The following ZNF391 variants were observed in gnomAD, a reference collection of about 807,000 sequenced individuals.
ZNF391 encodes zinc finger protein 391.
For missense variants in ZNF391, 375 were observed against 425.5 expected, an observed-to-expected ratio of 0.88 and a Z score of 1.04; for synonymous variants, 126 against 142.1, an observed-to-expected ratio of 0.89 and a Z score of 0.80.
chr6:27,386,301 T>A (rs1761581185), upstream of ZNF391, among the ~76,000 whole-genome samples: 1 of 152,302 alleles, frequency 6.6e-6, no homozygotes, highest in Admixed American at 6.5e-5. Flanking sequence ...GTTCATGGGT[T>A]GGAAGACTAA....
At position 27,400,679 on chromosome 6, in the gene ZNF391, C is replaced by G; in HGVS notation, c.309C>G (p.Phe103Leu). ...ACTTAATTAAACACCAAAGACTTTTCTCACAAAGAAAACCTTGTAAATGCA... is the reference window on the plus strand; with the variant it reads ...ACTTAATTAAACACCAAAGACTTTTGTCACAAAGAAAACCTTGTAAATGCA... ...NSDLIKHQRL[F>L]SQRKPCKCNE... is the part of the protein sequence containing the mutation. Residue 103 changes from phenylalanine to leucine, a missense_variant, in exon 3 of 3, where the codon TTC becomes TTG. Phe to Leu is a conservative substitution (Grantham distance 22). Coordinates refer to ENST00000244576, the MANE Select transcript of ZNF391 (RefSeq NM_001076781.3). 6.2e-7 allele frequency: 1 copy of G among 1,613,938 alleles called. No individual in the cohort carries two copies. The highest frequency in any genetic ancestry group is 1.3e-5 in the African/African-American group (1 of 74,986).
chr6:27,389,743 G>A (rs552108809), intron 1 of ZNF391, among the ~76,000 whole-genome samples: 2 of 152,318 alleles, frequency 1.3e-5, no homozygotes, highest in Admixed American at 6.5e-5. Flanking sequence ...GGCAGAGGTT[G>A]GAGCGAGCAG....
rs1468706836 is a variant in ZNF391 at position 27,376,536 on chromosome 6, T to C, written n.523+1399T>C. ...GTGTGTATGTGCTCTCTAACTCCTC[T>C]GCCTGATCTTGTATACATCTCTGTA... On this transcript the variant is annotated intron_variant and non_coding_transcript_variant, in intron 1 of 2. Transcript: ENST00000477999. This position sits in a 1 kb window ranked among gnomAD's most constrained non-coding sequence, Gnocchi z 4.7. Among the ~76,000 whole-genome samples the C allele has an allele frequency of 6.6e-6, 1 of 152,192 alleles. No homozygotes were observed. The highest frequency in any genetic ancestry group is 1.5e-5 in the Non-Finnish European group (1 of 68,032).
chr6:27,381,351 G>C (rs951016140), intron 1 of ZNF391, among the ~76,000 whole-genome samples: 5 of 152,190 alleles, frequency 3.3e-5, no homozygotes, highest in Non-Finnish European at 7.3e-5. Flanking sequence ...GGTGCTCCGA[G>C]TGCGGGGCCC....
chr6:27,395,296 C>T (rs745719834), intron 1 of ZNF391, among the ~76,000 whole-genome samples: 2 of 152,062 alleles, frequency 1.3e-5, no homozygotes, highest in Non-Finnish European at 2.9e-5. Context: ...GTAGATCCCT[C>T]GTGGCTTGGT....
chr6:27,379,779 A>G (rs941329552), intron 1 of ZNF391, among the ~76,000 whole-genome samples: 3 of 152,234 alleles, frequency 2.0e-5, no homozygotes, highest in Admixed American at 6.5e-5. Context: ...AAAACAATCT[A>G]TTTAACCAGA....
chr6:27,400,658 A>C lies in ZNF391; in HGVS notation c.288A>C (p.Leu96Phe). The change falls in exon 3 of 3, where the codon TTA becomes TTC. Residue 96 changes from leucine (L) to phenylalanine (F), a missense_variant. Leu to Phe is a conservative substitution (Grantham distance 22). Coordinates refer to ENST00000244576, the MANE Select transcript of ZNF391 (RefSeq NM_001076781.3). ...SRKNSKDNSD[L>F]IKHQRLFSQR... Reference sequence around the variant, plus strand: ...AAAACTCCAAAGATAATTCAGACTTAATTAAACACCAAAGACTTTTCTCAC... The same window carrying C: ...AAAACTCCAAAGATAATTCAGACTTCATTAAACACCAAAGACTTTTCTCAC... The C allele has an allele frequency of 1.9e-6, 3 of 1,614,142 alleles. No homozygotes were observed. Among genetic ancestry groups the C allele is most frequent in the Middle Eastern group, 1.6e-4 (1 of 6,062 alleles).
chr6:27,381,500 C>T (rs1368207118), intron 1 of ZNF391, among the ~76,000 whole-genome samples: 1 of 152,266 alleles, frequency 6.6e-6, no homozygotes, highest in African/African-American at 2.4e-5. Flanking sequence ...CAGAAAGGGG[C>T]TCCCACAGTG....
In ZNF391 at chr6:27,388,857, G is replaced by C. The variant is rs1372118025; in HGVS notation, c.-406G>C. 2.2e-6 allele frequency: 1 copy of C among 452,992 alleles called. No homozygotes were observed. The highest frequency in any genetic ancestry group is 4.4e-6 in the Non-Finnish European group (1 of 226,022). The allele number at this position is 452,992 out of a possible 1,614,324, so 28.1% of individuals were successfully genotyped here. On this transcript the variant is annotated 5_prime_UTR_variant, in exon 1 of 3. The change abolishes an upstream ATG in the 5' untranslated region. Transcript: ENST00000244576. ...TGGTCCCGCATACCGAGCAGAGCAT[G>C]ATCAGCAGCAGTCTGAGTGGAAGAG... is the stretch of plus-strand genomic sequence containing the variant.
At chr6:27,390,565 A>G (rs189643431) in intron 1 of ZNF391, among the ~76,000 whole-genome samples, 80 of 152,274 alleles carry the variant, frequency 5.3e-4, no homozygotes, top group African/African-American at 1.8e-3. Flanking sequence ...TTTGGGGGCT[A>G]TCCCTGAAAC....
intron 1 of ZNF391, among the ~76,000 whole-genome samples, chr6:27,378,550 G>C (rs938917104): frequency 2.0e-4 from 31 of 152,116 alleles, no homozygotes; most frequent in Admixed American, 1.2e-3. Context: ...GCAAGGACCG[G>C]CTATTTTCAC....
At chr6:27,391,480 T>C (rs1049627992) in intron 1 of ZNF391, among the ~76,000 whole-genome samples, 1 of 152,178 alleles carries the variant, frequency 6.6e-6, no homozygotes, top group Admixed American at 6.5e-5. Flanking sequence ...TCATTACTTC[T>C]TAATCCTTAG....
At position 27,388,967 on chromosome 6, in the gene ZNF391, G is replaced by A. The variant is rs1453560788; in HGVS notation, c.-296G>A. 4.4e-6 allele frequency: 2 copies of A among 456,494 alleles called. No homozygotes were observed. The highest frequency in any genetic ancestry group is 1.4e-4 in the East Asian group (2 of 14,390). The allele number at this position is 456,494 out of a possible 1,614,324, so 28.3% of individuals were successfully genotyped here. A position where few individuals can be genotyped will look rare whatever the true frequency, so the allele number is the denominator to read the frequency against. On this transcript the variant is annotated 5_prime_UTR_variant, in exon 1 of 3. Transcript: ENST00000244576. ...TCTTTAATCCTTCCGACTTCCCCAA[G>A]CCCAGCGCACTCAGGTTCCGCTCCA...
chr6:27,392,647 C>T (rs895174476), intron 1 of ZNF391, among the ~76,000 whole-genome samples: 1 of 152,168 alleles, frequency 6.6e-6, no homozygotes, highest in Admixed American at 6.5e-5. Flanking sequence ...CTCTCTATAC[C>T]CCTACAGCAC....
In ZNF391 at chr6:27,402,506, G is replaced by C. The variant is rs1761996447; in HGVS notation, c.*1059G>C. The C allele has an allele frequency of 6.6e-6, 1 of 152,096 alleles. No homozygotes were observed. Among genetic ancestry groups the C allele is most frequent in the South Asian group, 2.1e-4 (1 of 4,834 alleles). 9.4% of individuals were successfully genotyped at this position (152,096 alleles called of 1,614,324 possible). Reference sequence around the variant, plus strand: ...GTCAATGATCAGCTCTGTGATTTGGGGCAAGGGTTAGGCCAGAATTATCTC... The same window carrying C: ...GTCAATGATCAGCTCTGTGATTTGGCGCAAGGGTTAGGCCAGAATTATCTC... On this transcript the variant is annotated 3_prime_UTR_variant, in exon 3 of 3. Transcript: ENST00000244576.
Position 27,400,280 on chromosome 6 carries a change from A to T in ZNF391, c.-78-13A>T. The T allele has an allele frequency of 1.9e-6, 2 of 1,042,912 alleles. No individual in the cohort carries two copies. The highest frequency in any genetic ancestry group is 1.6e-5 in the South Asian group (1 of 61,752). 64.6% of individuals were successfully genotyped at this position (1,042,912 alleles called of 1,614,324 possible). ...TAGATACAGATGACATTTACACTTT[A>T]AATGTCTTTCAGATAGGGGGATTTG... On this transcript the variant is annotated splice_polypyrimidine_tract_variant and intron_variant, in intron 2 of 2. Transcript: ENST00000244576.
At chr6:27,382,901 C>G (rs1351430015) in intron 1 of ZNF391, among the ~76,000 whole-genome samples, 1 of 152,122 alleles carries the variant, frequency 6.6e-6, no homozygotes, top group Admixed American at 6.5e-5. Context: ...GGGCAGATCA[C>G]TTGGGGTCAG....
chr6:27,375,337 G>A (rs1424768352), intron 1 of ZNF391, among the ~76,000 whole-genome samples: 1 of 152,174 alleles, frequency 6.6e-6, no homozygotes, highest in African/African-American at 2.4e-5. Context: ...TCCTAATTGG[G>A]AGGTGTAGGC....
chr6:27,384,196 G>T (rs1400357313), upstream of ZNF391, among the ~76,000 whole-genome samples: 1 of 152,140 alleles, frequency 6.6e-6, no homozygotes, highest in Non-Finnish European at 1.5e-5. Flanking sequence ...GGGTGTGGTG[G>T]CTCAAGCCTG....
Sources: gnomAD v4.1 joint callset for allele counts (sites outside exome capture counted in the v4.1 genomes callset) on GRCh38, gnomAD v4.1.1 for gene constraint, Gnocchi (gnomAD v3.1) non-coding constraint, MANE v1.5 for transcripts, NCBI Gene and HGNC (gene_info 2026-07-23, HGNC 2026-07-21) for gene names.